Variants in CDK5RAP2 observed in about 807,000 individuals in gnomAD.
CDK5RAP2 encodes the protein CDK5 regulatory subunit-associated protein 2.
In CDK5RAP2, 147 loss-of-function variants were observed where a neutral mutation model predicts 232.9. The observed-to-expected ratio is 0.63, with a 90% confidence interval of 0.55 to 0.72. CDK5RAP2 has a LOEUF of 0.72. Among genes scored for constraint, CDK5RAP2 ranks in the 30% least tolerant of loss-of-function variants. The probability of loss-of-function intolerance (pLI) is 0.00; values close to 1 mark genes in which losing one functional copy is unlikely to be tolerated. For synonymous variants in CDK5RAP2, 833 were observed against 833.7 expected, an observed-to-expected ratio of 1.00 and a Z score of 0.01; for missense variants, 2,195 against 2,231.5, an observed-to-expected ratio of 0.98 and a Z score of 0.33.
intron 12 of CDK5RAP2, among the ~76,000 whole-genome samples, chr9:120,506,142 AC>A (rs1269338494): frequency 2.4e-4 from 37 of 152,352 alleles, no homozygotes; most frequent in Middle Eastern, 3.4e-3. Context: ...GCAGCTGGTA[AC>A]TTTAACTGGA....
intron 15 of CDK5RAP2, among the ~76,000 whole-genome samples, chr9:120,475,679 C>G (rs1245132008): frequency 6.6e-6 from 1 of 152,156 alleles, no homozygotes; most frequent in Non-Finnish European, 1.5e-5. Flanking sequence ...GAGAGTGACG[C>G]CTACTCCCAG....
chr9:120,411,760 C>T (rs2033863368), intron 28 of CDK5RAP2, among the ~76,000 whole-genome samples: 1 of 152,108 alleles, frequency 6.6e-6, no homozygotes, highest in Admixed American at 6.5e-5. Flanking sequence ...ATGTCTTTCC[C>T]GAGGTCAAAA....
At chr9:120,497,260 G>A (rs1287080249) in intron 12 of CDK5RAP2, among the ~76,000 whole-genome samples, 1 of 129,912 alleles carries the variant, frequency 7.7e-6, no homozygotes, top group Non-Finnish European at 1.5e-5. Context: ...AGTAATCAGG[G>A]ACACAAACAC....
intron 15 of CDK5RAP2, among the ~76,000 whole-genome samples, chr9:120,476,444 C>T (rs193211833): frequency 3.6e-4 from 55 of 152,004 alleles, no homozygotes; most frequent in African/African-American, 1.3e-3. Flanking sequence ...CTTTGGGAGG[C>T]GGAGGTGGGT....
intron 7 of CDK5RAP2, among the ~76,000 whole-genome samples, chr9:120,535,549 T>C (rs978247708): frequency 3.9e-5 from 6 of 152,236 alleles, no homozygotes; most frequent in Admixed American, 2.6e-4. Context: ...CAAGCTCGGC[T>C]CTTCAACAGA....
At chr9:120,575,090 C>T (rs2042985332) in intron 1 of CDK5RAP2, among the ~76,000 whole-genome samples, 1 of 152,058 alleles carries the variant, frequency 6.6e-6, no homozygotes, top group Non-Finnish European at 1.5e-5. Context: ...CTCACTCTAT[C>T]GCCCAGGCTG....
intron 20 of CDK5RAP2, among the ~76,000 whole-genome samples, chr9:120,457,348 A>G: frequency 6.6e-6 from 1 of 152,208 alleles, no homozygotes; most frequent in Non-Finnish European, 1.5e-5. Context: ...ACATCACCCA[A>G]GTACATTCCC....
Position 120,389,190 on chromosome 9 carries a change from T to G in CDK5RAP2, c.*46A>C. On this transcript the variant is annotated 3_prime_UTR_variant, in exon 38 of 38. Transcript: ENST00000349780. ...CCACACTTGGAACAAAGAGACAGCG[T>G]GAGCTCGGTGGGGGAAGCACAAGCT... The G allele has an allele frequency of 2.6e-6, 4 of 1,520,344 alleles. No individual in the cohort carries two copies. Among genetic ancestry groups the G allele is most frequent in the Non-Finnish European group, 2.7e-6 (3 of 1,099,606 alleles). The allele number at this position is 1,520,344 out of a possible 1,614,324, so 94.2% of individuals were successfully genotyped here. A position where few individuals can be genotyped will look rare whatever the true frequency, so the allele number is the denominator to read the frequency against.
At position 120,471,288 on chromosome 9, in the gene CDK5RAP2, C is replaced by G. The variant is rs566270771; in HGVS notation, c.1858+460G>C. On this transcript the variant is annotated intron_variant, in intron 16 of 37. Coordinates refer to ENST00000349780, the MANE Select transcript of CDK5RAP2 (RefSeq NM_018249.6). ...ACAGAAAACATAAGTCCCACAGGACCCTCATCTTGTAGCCCTCCCTTAATG... is the reference window on the plus strand; with the variant it reads ...ACAGAAAACATAAGTCCCACAGGACGCTCATCTTGTAGCCCTCCCTTAATG... 1.1e-3 allele frequency among the ~76,000 whole-genome samples: 165 copies of G among 152,236 alleles called. 1 individual carries two copies. Among genetic ancestry groups the G allele is most frequent in the Non-Finnish European group, 2.0e-3 (133 of 68,020 alleles).
At position 120,447,919 on chromosome 9, in the gene CDK5RAP2, T is replaced by C. The variant is rs747488238; in HGVS notation, c.3001A>G (p.Thr1001Ala). ...LAEAVMEGRP[T>A]PDKTLLNAQP... ...CCATTCAGCAACGTTTTGTCGGGCG[T>C]TGGCCTCCCCTCCATCACTGCTTCA... is the stretch of plus-strand genomic sequence containing the variant. The change falls in exon 22 of 38, where the codon ACG (threonine) becomes GCG (alanine). Residue 1001 changes from threonine (T) to alanine (A), a missense_variant. Coordinates refer to ENST00000349780, the MANE Select transcript of CDK5RAP2 (RefSeq NM_018249.6). The C allele has an allele frequency of 1.9e-6, 3 of 1,614,158 alleles. No individual in the cohort carries two copies. The highest frequency in any genetic ancestry group is 2.5e-6 in the Non-Finnish European group (3 of 1,179,980).
At chr9:120,530,502 C>G (rs1278818711) in intron 7 of CDK5RAP2, among the ~76,000 whole-genome samples, 1 of 152,136 alleles carries the variant, frequency 6.6e-6, no homozygotes, top group Non-Finnish European at 1.5e-5. Flanking sequence ...GCAAACAAAA[C>G]CAATGAAGCA....
At chr9:120,554,019 T>C (rs1239767040) in intron 3 of CDK5RAP2, among the ~76,000 whole-genome samples, 1 of 152,228 alleles carries the variant, frequency 6.6e-6, no homozygotes, top group African/African-American at 2.4e-5. Flanking sequence ...AAGTAAATTA[T>C]AGTATGTTAA....
chr9:120,400,347 T>C (rs2032888863), intron 35 of CDK5RAP2, among the ~76,000 whole-genome samples: 1 of 152,166 alleles, frequency 6.6e-6, no homozygotes, highest in Non-Finnish European at 1.5e-5. Context: ...ATAAAAGAGA[T>C]GATGAGTAGA....
At position 120,469,851 on chromosome 9, in the gene CDK5RAP2, G is replaced by A. The variant is rs551162130; in HGVS notation, c.1968+260C>T. Among the ~76,000 whole-genome samples the A allele has an allele frequency of 2.6e-5, 4 of 152,292 alleles. No individual in the cohort carries two copies. The South Asian group carries it at 8.3e-4, about 32-fold the overall frequency. Reference sequence around the variant, plus strand: ...AGGTGAACAGCCTGACGGAAAAGTGGCTAACTCTAAACTGAGGGGCCAGAG... The same window carrying A: ...AGGTGAACAGCCTGACGGAAAAGTGACTAACTCTAAACTGAGGGGCCAGAG... On this transcript the variant is annotated intron_variant, in intron 17 of 37. Transcript: ENST00000349780.
chr9:120,505,462 T>C lies in CDK5RAP2; in HGVS notation c.1311+12965A>G, dbSNP rs541079628. Among the ~76,000 whole-genome samples the C allele has an allele frequency of 1.4e-3, 218 of 152,288 alleles. 1 individual carries two copies. Among genetic ancestry groups the C allele is most frequent in the African/African-American group, 5.1e-3 (213 of 41,560 alleles). ...TTGAAATTAGGCCAGTGAATAACCC[T>C]ATAATGGCTTCTAAGTATTCAAGTG... On this transcript the variant is annotated intron_variant, in intron 12 of 37. Transcript: ENST00000349780.
At chr9:120,514,586 G>A (rs568556442) in intron 12 of CDK5RAP2, among the ~76,000 whole-genome samples, 201 of 152,324 alleles carry the variant, frequency 1.3e-3, no homozygotes, top group Non-Finnish European at 2.4e-3. Context: ...ATGGATGCAA[G>A]AAAAAGAAGC....
At chr9:120,521,770 C>T (rs897036007) in intron 11 of CDK5RAP2, among the ~76,000 whole-genome samples, 1 of 151,526 alleles carries the variant, frequency 6.6e-6, no homozygotes, top group Non-Finnish European at 1.5e-5. Context: ...CTCAGCCTCC[C>T]GAGTAGCTGG....
chr9:120,458,422 CA>C (rs751331607), intron 20 of CDK5RAP2, 27 bp downstream of exon 20: 1 of 1,611,868 alleles, frequency 6.2e-7, no homozygotes, highest in Non-Finnish European at 8.5e-7. Flanking sequence ...ACTAGAGAAA[CA>C]AAGGAATGCC....
chr9:120,419,926 GA>G lies in CDK5RAP2; in HGVS notation c.4038del (p.Leu1347CysfsTer41). 6.2e-7 allele frequency: 1 copy of G among 1,614,036 alleles called. No individual in the cohort carries two copies. Among genetic ancestry groups the G allele is most frequent in the South Asian group, 1.1e-5 (1 of 91,078 alleles). On this transcript the variant is annotated frameshift_variant, in exon 27 of 38. Coordinates refer to ENST00000349780, the MANE Select transcript of CDK5RAP2 (RefSeq NM_018249.6). LOFTEE classifies it high-confidence loss of function. ...GCTGAAGGCTCAGGAGATTCAGGCA[GA>G]AGATGTTGGTAGGTTAAGTTGTCTT... The part of the protein sequence containing the change: ...IEEDNLTYQH[L>X]LPESPEPSAS...
Sources: allele counts gnomAD v4.1 joint callset (sites outside exome capture counted in the v4.1 genomes callset), GRCh38; gene constraint gnomAD v4.1.1; transcripts MANE v1.5; gene names NCBI Gene and HGNC (gene_info 2026-07-23, HGNC 2026-07-21).